The following LYPD6B variants were observed in gnomAD, a reference collection of about 807,000 sequenced individuals.
LYPD6B encodes the protein LY6/PLAUR domain containing 6B.
Under a neutral mutation model 22.8 loss-of-function variants are expected in LYPD6B, and 17 were observed. The ratio of observed to expected loss-of-function variants is 0.75; its 90% CI spans 0.51 to 1.12. LYPD6B has a LOEUF of 1.12. Among genes scored for constraint, LYPD6B ranks in the 50% most tolerant of loss-of-function variants. The pLI, the probability that LYPD6B is intolerant of heterozygous loss-of-function variation, is 0.00. For missense variants in LYPD6B, 221 were observed against 258.3 expected, an observed-to-expected ratio of 0.86 and a Z score of 0.99; for synonymous variants, 106 against 91.6, an observed-to-expected ratio of 1.16 and a Z score of -0.90.
At chr2:149,121,288 A>G (rs892778531) in intron 1 of LYPD6B, among the ~76,000 whole-genome samples, 1 of 152,074 alleles carries the variant, frequency 6.6e-6, no homozygotes, top group Non-Finnish European at 1.5e-5. Context: ...TTTTTTCAAG[A>G]GTGGATTTAG....
chr2:149,122,102 A>G (rs1687394756), intron 1 of LYPD6B, among the ~76,000 whole-genome samples: 1 of 152,198 alleles, frequency 6.6e-6, no homozygotes, highest in African/African-American at 2.4e-5. Flanking sequence ...AGCATGGTTC[A>G]TATTTCACAC....
At chr2:149,068,664 G>T in intron 1 of LYPD6B, 1 of 543,766 alleles carries the variant, frequency 1.8e-6, no homozygotes, top group Non-Finnish European at 3.7e-6. Context: ...CCTACCTTTT[G>T]TCCCTTCTTA....
chr2:149,048,389 T>C (rs1683405607), intron 1 of LYPD6B, among the ~76,000 whole-genome samples: 1 of 152,206 alleles, frequency 6.6e-6, no homozygotes, highest in Non-Finnish European at 1.5e-5. Context: ...TAGTGATGCC[T>C]TGTATTTAGG....
intron 1 of LYPD6B, among the ~76,000 whole-genome samples, chr2:149,130,049 G>A (rs1043357251): frequency 2.0e-5 from 3 of 152,166 alleles, no homozygotes; most frequent in African/African-American, 4.8e-5. Flanking sequence ...CCTCTTTCTG[G>A]TAGGCCCCTA....
At chr2:149,175,589 T>C (rs1691234356) in intron 3 of LYPD6B, among the ~76,000 whole-genome samples, 1 of 152,084 alleles carries the variant, frequency 6.6e-6, no homozygotes, top group Non-Finnish European at 1.5e-5. Flanking sequence ...AACTGAAAGA[T>C]TTTTAACTTT....
Position 149,134,896 on chromosome 2 carries a change from C to T in LYPD6B, c.5+3943C>T, listed in dbSNP as rs545965676. ...ATATTCATAAAATAATATTTTAAAA[C>T]CAAAGTTATCTTAGAATCATGGGAA... is the stretch of plus-strand genomic sequence containing the variant. On this transcript the variant is annotated intron_variant, in intron 2 of 6. Coordinates refer to ENST00000409642, the MANE Select transcript of LYPD6B (RefSeq NM_177964.5). Among the ~76,000 whole-genome samples, 4 of 152,248 alleles carry T rather than the reference C, an allele frequency of 2.6e-5. No individual in the cohort carries two copies. In the East Asian group the frequency reaches 7.7e-4, roughly 29 times the overall value.
chr2:149,142,249 T>C (rs1688740326), intron 2 of LYPD6B: 6 of 152,188 alleles, frequency 3.9e-5, no homozygotes, highest in Admixed American at 3.9e-4. Context: ...TGCAGACCCA[T>C]CGTGGGGAGA....
chr2:149,097,220 T>G (rs1685945558), intron 1 of LYPD6B, among the ~76,000 whole-genome samples: 1 of 152,238 alleles, frequency 6.6e-6, no homozygotes. Flanking sequence ...CTACTGGAAG[T>G]GCAGGGCAAA....
Position 149,104,629 on chromosome 2 carries a change from T to C in LYPD6B, c.-66-26254T>C, listed in dbSNP as rs180905873. 1.6e-3 allele frequency among the ~76,000 whole-genome samples: 239 copies of C among 152,348 alleles called. 1 individual carries two copies. The highest frequency in any genetic ancestry group is 5.6e-3 in the African/African-American group (233 of 41,588). On this transcript the variant is annotated intron_variant, in intron 1 of 6. Transcript: ENST00000409642. ...TTCTGTATGCAAATTCTCTATCAGA[T>C]AGATACTTTGCAAATCTTTTATTAT...
intron 5 of LYPD6B, among the ~76,000 whole-genome samples, chr2:149,209,526 ACT>A (rs1021059848): frequency 5.9e-5 from 9 of 152,048 alleles, no homozygotes; most frequent in Non-Finnish European, 1.0e-4. Context: ...AGAAAAAAAA[ACT>A]CTTACAGAAT....
At chr2:149,119,330 A>T (rs1687164897) in intron 1 of LYPD6B, among the ~76,000 whole-genome samples, 1 of 152,258 alleles carries the variant, frequency 6.6e-6, no homozygotes, top group South Asian at 2.1e-4. Context: ...CCATCAGTTT[A>T]AAATTAAAGC....
At chr2:149,169,271 A>C (rs530776799) in intron 3 of LYPD6B, among the ~76,000 whole-genome samples, 1 of 152,188 alleles carries the variant, frequency 6.6e-6, no homozygotes, top group South Asian at 2.1e-4. Flanking sequence ...TCTTCCCCAA[A>C]ACAGGCAATG....
intron 6 of LYPD6B, 78 bp downstream of exon 6, chr2:149,213,200 A>C: frequency 6.4e-7 from 1 of 1,559,176 alleles, no homozygotes; most frequent in Non-Finnish European, 8.8e-7. Flanking sequence ...AGAGGCAGGA[A>C]GGATAGTAAT....
chr2:149,063,813 T>A (rs1684202224), intron 1 of LYPD6B, among the ~76,000 whole-genome samples: 1 of 152,116 alleles, frequency 6.6e-6, no homozygotes, highest in Non-Finnish European at 1.5e-5. Flanking sequence ...GAACAACAAT[T>A]TCTGTGGCTT....
intron 3 of LYPD6B, among the ~76,000 whole-genome samples, chr2:149,197,883 A>T (rs1308713592): frequency 1.3e-5 from 2 of 152,118 alleles, no homozygotes; most frequent in Non-Finnish European, 2.9e-5. Context: ...ACAGGGTAAA[A>T]ATTATTTCAC....
chr2:149,072,025 A>G (rs186138916), intron 1 of LYPD6B, among the ~76,000 whole-genome samples: 72 of 152,168 alleles, frequency 4.7e-4, no homozygotes, highest in African/African-American at 1.7e-3. Flanking sequence ...TCTGCCTCCC[A>G]GGTTCACATG....
chr2:149,068,868 A>G (rs1684463145), intron 1 of LYPD6B: 1 of 329,626 alleles, frequency 3.0e-6, no homozygotes, highest in South Asian at 3.1e-5. Flanking sequence ...GCAGCCTCCA[A>G]GGCTTCCTGA....
chr2:149,062,520 A>T (rs1286390159), intron 1 of LYPD6B, among the ~76,000 whole-genome samples: 2 of 152,162 alleles, frequency 1.3e-5, no homozygotes, highest in South Asian at 4.1e-4. Flanking sequence ...CCTTCCCTAC[A>T]TGGAAAAGCA....
chr2:149,212,919 G>C (rs949645270), intron 5 of LYPD6B, 73 bp from the exon 6 acceptor site: 42 of 1,466,716 alleles, frequency 2.9e-5, no homozygotes, highest in Middle Eastern at 1.7e-4. Flanking sequence ...TAATTGTTAA[G>C]AGATCTCTTT....
Sources: gnomAD v4.1 joint callset for allele counts (sites outside exome capture counted in the v4.1 genomes callset) on GRCh38, gnomAD v4.1.1 for gene constraint, MANE v1.5 for transcripts, NCBI Gene and HGNC (gene_info 2026-07-23, HGNC 2026-07-21) for gene names.